Variants in GABRA5 observed in about 807,000 individuals in gnomAD.
The protein encoded by GABRA5 is gamma-aminobutyric acid receptor subunit alpha-5.
GABRA5 carries 18 observed loss-of-function variants against 47.3 expected under a neutral mutation model. That is an observed-to-expected ratio of 0.38 (90% confidence interval 0.26 to 0.56). The LOEUF (loss-of-function observed/expected upper bound fraction) is 0.56. GABRA5 is among the 20% of genes least tolerant of loss of function. The pLI is 0.71. For synonymous variants in GABRA5, 237 were observed against 229.3 expected, an observed-to-expected ratio of 1.03 and a Z score of -0.30; for missense variants, 365 against 599.3, an observed-to-expected ratio of 0.61 and a Z score of 4.08.
At chr15:26,890,158 C>T (rs1402222296) in intron 6 of GABRA5, among the ~76,000 whole-genome samples, 5 of 152,196 alleles carry the variant, frequency 3.3e-5, no homozygotes, top group East Asian at 3.9e-4. Flanking sequence ...CAAGCACCTA[C>T]GTATATCCTT....
intron 7 of GABRA5, among the ~76,000 whole-genome samples, chr15:26,918,980 AAC>A (rs1388923609): frequency 6.6e-6 from 1 of 151,950 alleles, no homozygotes; most frequent in Non-Finnish European, 1.5e-5. Context: ...CTCTACAAAA[AAC>A]AAAGTTTTAA....
At chr15:26,897,249 G>A (rs1006769344) in intron 6 of GABRA5, among the ~76,000 whole-genome samples, 5 of 152,144 alleles carry the variant, frequency 3.3e-5, no homozygotes, top group Admixed American at 6.5e-5. Flanking sequence ...TTCTAAAGAA[G>A]TAATTAAATG....
At chr15:26,875,911 G>A (rs554247873) in intron 3 of GABRA5, among the ~76,000 whole-genome samples, 1 of 152,288 alleles carries the variant, frequency 6.6e-6, no homozygotes, top group African/African-American at 2.4e-5. Flanking sequence ...GGTGCAGAGT[G>A]AAAGAATAGA....
intron 7 of GABRA5, among the ~76,000 whole-genome samples, chr15:26,929,818 C>T (rs1894048759): frequency 1.3e-5 from 2 of 152,164 alleles, no homozygotes; most frequent in Non-Finnish European, 2.9e-5. Flanking sequence ...CTCCCATTGT[C>T]TTGCACAGCA....
At chr15:26,937,127 T>A in intron 7 of GABRA5, 58 bp from the exon 8 acceptor site, 1 of 1,593,854 alleles carries the variant, frequency 6.3e-7, no homozygotes, top group Non-Finnish European at 8.6e-7. Flanking sequence ...AGCTTCTGTG[T>A]TTTCCAGGCT....
At chr15:26,869,116 G>T in intron 2 of GABRA5, 59 bp from the exon 3 acceptor site, 2 of 655,820 alleles carry the variant, frequency 3.0e-6, no homozygotes, top group Non-Finnish European at 5.6e-6. Context: ...TTTGATTCCA[G>T]GAACTGTGAC....
At chr15:26,900,870 C>G (rs186219798) in intron 6 of GABRA5, among the ~76,000 whole-genome samples, 3 of 152,116 alleles carry the variant, frequency 2.0e-5, no homozygotes, top group Non-Finnish European at 4.4e-5. Flanking sequence ...ATCCCTCTCT[C>G]CCCTGAACCC....
At chr15:26,895,080 T>C (rs1227585094) in intron 6 of GABRA5, among the ~76,000 whole-genome samples, 1 of 152,054 alleles carries the variant, frequency 6.6e-6, no homozygotes, top group Non-Finnish European at 1.5e-5. Flanking sequence ...TATGTATGGA[T>C]GGCTCCTTTT....
chr15:26,882,504 TGCCCAGG>T (rs1892754151), intron 4 of GABRA5, among the ~76,000 whole-genome samples: 3 of 152,240 alleles, frequency 2.0e-5, no homozygotes, highest in Non-Finnish European at 2.9e-5. Context: ...GCTGTGGTAG[TGCCCAGG>T]GAAGTACACA....
At position 26,946,653 on chromosome 15, in the gene GABRA5, A is replaced by C. The variant is rs562340096; in HGVS notation, c.1090-1281A>C. ...TGTGTGTAACTCAAATCCCTGCCAC[A>C]GTAGAGGACATCACCAGCCTCCAGA... On this transcript the variant is annotated intron_variant, in intron 10 of 10. Transcript: ENST00000335625. 2.6e-5 allele frequency among the ~76,000 whole-genome samples: 4 copies of C among 152,248 alleles called. No homozygotes were observed. The South Asian group carries it at 8.3e-4, about 32-fold the overall frequency.
At chr15:26,875,688 T>A (rs1892579816) in intron 3 of GABRA5, among the ~76,000 whole-genome samples, 1 of 151,466 alleles carries the variant, frequency 6.6e-6, no homozygotes, top group South Asian at 2.1e-4. Flanking sequence ...CGTGAGGAAG[T>A]GGGAGACGGG....
intron 3 of GABRA5, among the ~76,000 whole-genome samples, chr15:26,874,708 A>G (rs1404333948): frequency 6.6e-6 from 1 of 152,276 alleles, no homozygotes; most frequent in Non-Finnish European, 1.5e-5. Flanking sequence ...TAAGACCTGC[A>G]GTGAAACAGG....
intron 6 of GABRA5, among the ~76,000 whole-genome samples, chr15:26,909,076 A>G (rs1893515738): frequency 1.3e-5 from 2 of 152,156 alleles, no homozygotes; most frequent in African/African-American, 4.8e-5. Flanking sequence ...AGAAGTCTGG[A>G]ATGGGTCTTG....
chr15:26,931,225 T>C (rs1894100200), intron 7 of GABRA5, among the ~76,000 whole-genome samples: 1 of 152,162 alleles, frequency 6.6e-6, no homozygotes, highest in African/African-American at 2.4e-5. Context: ...GTTCATTCAG[T>C]CTGCTATAAC....
intron 6 of GABRA5, among the ~76,000 whole-genome samples, chr15:26,886,664 G>T (rs551140543): frequency 1.3e-5 from 2 of 152,126 alleles, no homozygotes; most frequent in Non-Finnish European, 1.5e-5. Context: ...TTGAAAATTC[G>T]AGGGACACAA....
chr15:26,939,100 GT>G, intron 8 of GABRA5: 1 of 679,264 alleles, frequency 1.5e-6, no homozygotes, highest in Non-Finnish European at 2.7e-6. Context: ...TTCAGCCAAA[GT>G]TTTTTGAATT....
At chr15:26,901,503 G>T (rs1433852619) in intron 6 of GABRA5, among the ~76,000 whole-genome samples, 1 of 151,912 alleles carries the variant, frequency 6.6e-6, no homozygotes, top group South Asian at 2.1e-4. Flanking sequence ...TTTTTAATTG[G>T]GTTGTTTTCT....
intron 3 of GABRA5, among the ~76,000 whole-genome samples, chr15:26,870,350 G>A (rs1206566918): frequency 6.6e-6 from 1 of 152,208 alleles, no homozygotes; most frequent in Admixed American, 6.5e-5. Flanking sequence ...GGGTGGGTGT[G>A]GGGGCCTTGC....
chr15:26,925,574 T>C (rs1893942231), intron 7 of GABRA5, among the ~76,000 whole-genome samples: 1 of 152,230 alleles, frequency 6.6e-6, no homozygotes, highest in Admixed American at 6.5e-5. Flanking sequence ...TTTTGTATTC[T>C]TAAGCATATT....
Sources: gnomAD v4.1 joint callset for allele counts (sites outside exome capture counted in the v4.1 genomes callset) on GRCh38, gnomAD v4.1.1 for gene constraint, MANE v1.5 for transcripts, NCBI Gene and HGNC (gene_info 2026-07-23, HGNC 2026-07-21) for gene names.